AK5: variants seen among roughly 807,000 people sequenced by gnomAD.
The protein encoded by AK5 is adenylate kinase isoenzyme 5.
Under a neutral mutation model 69.5 loss-of-function variants are expected in AK5, and 27 were observed. That is an observed-to-expected ratio of 0.39 (90% confidence interval 0.29 to 0.54). The LOEUF (loss-of-function observed/expected upper bound fraction) is 0.54. AK5 is among the 20% of genes least tolerant of loss of function. The pLI, the probability that AK5 is intolerant of heterozygous loss-of-function variation, is 0.71. For missense variants in AK5, 531 were observed against 700.4 expected (o/e 0.76, Z 2.73); for synonymous variants, 260 against 244.4 (o/e 1.06, Z -0.60).
At chr1:77,413,359 A>G (rs1462937298) in intron 7 of AK5, among the ~76,000 whole-genome samples, 1 of 152,078 alleles carries the variant, frequency 6.6e-6, no homozygotes. Flanking sequence ...CTCAGAGTAA[A>G]CGTGGTGATT....
In AK5 at chr1:77,499,869, C is replaced by CTTTTTTTTTTTTTTTTTTTTTTTT. The variant is rs749712310; in HGVS notation, c.1147+13517_1147+13518insTTTTTTTTTTTTTTTTTTTTTTTT. On this transcript the variant is annotated intron_variant, in intron 10 of 13. Transcript: ENST00000354567. ...GATGACAGAGACCATGCCCTTTTTC[C>CTTTTTTTTTTTTTTTTTTTTTTTT]ATTTTTTTTTTTTTTTTTTTTTTTT... Among the ~76,000 whole-genome samples the CTTTTTTTTTTTTTTTTTTTTTTTT allele has an allele frequency of 6.3e-5, 5 of 78,768 alleles. 2 individuals are homozygous for CTTTTTTTTTTTTTTTTTTTTTTTT. The highest frequency in any genetic ancestry group is 9.1e-5 in the African/African-American group (2 of 22,060). The allele number at this position is 78,768 out of a possible 152,430, so 51.7% of individuals were successfully genotyped here.
At chr1:77,360,424 G>A (rs1375055004) in intron 6 of AK5, among the ~76,000 whole-genome samples, 3 of 152,148 alleles carry the variant, frequency 2.0e-5, no homozygotes, top group African/African-American at 7.2e-5. Flanking sequence ...AAGTTTGTGA[G>A]TTTTATCATC....
At position 77,293,773 on chromosome 1, in the gene AK5, G is replaced by A; in HGVS notation, c.248-20G>A. On this transcript the variant is annotated intron_variant, in intron 2 of 13. Transcript: ENST00000354567. ...ATTATGGTGTTTTTTCCTTTTCAAA[G>A]TTATCTTACTCTTTTGCAGTAATGC... 1 of 1,568,076 alleles carries A rather than the reference G, an allele frequency of 6.4e-7. No individual in the cohort carries two copies.
At chr1:77,294,103 A>G in intron 3 of AK5, 143 bp downstream of exon 3, 1 of 682,754 alleles carries the variant, frequency 1.5e-6, no homozygotes, top group Non-Finnish European at 2.4e-6. Flanking sequence ...AATAAATGGA[A>G]ATATTCTTAG....
At chr1:77,468,316 G>A (rs1488063349) in intron 8 of AK5, among the ~76,000 whole-genome samples, 1 of 152,306 alleles carries the variant, frequency 6.6e-6, no homozygotes, top group African/African-American at 2.4e-5. Flanking sequence ...GTACTTTTGT[G>A]CAGATTAGAA....
intron 1 of AK5, among the ~76,000 whole-genome samples, 164 bp from the exon 2 acceptor site, chr1:77,286,777 G>T (rs1484108343): frequency 6.6e-6 from 1 of 152,104 alleles, no homozygotes; most frequent in Non-Finnish European, 1.5e-5. Flanking sequence ...AACCAAGGAG[G>T]TAGAAGTTGC....
intron 7 of AK5, among the ~76,000 whole-genome samples, chr1:77,414,740 A>G (rs1650279570): frequency 6.6e-6 from 1 of 152,184 alleles, no homozygotes; most frequent in Admixed American, 6.5e-5. Flanking sequence ...ACTTTTTCGT[A>G]ACATCCTAAT....
At chr1:77,439,531 C>T (rs1339063928) in intron 8 of AK5, among the ~76,000 whole-genome samples, 2 of 151,906 alleles carry the variant, frequency 1.3e-5, no homozygotes, top group East Asian at 3.9e-4. Flanking sequence ...ACCCATTAAC[C>T]AACCTCTCTT....
chr1:77,419,314 A>G (rs1361942509), intron 8 of AK5, among the ~76,000 whole-genome samples: 1 of 152,216 alleles, frequency 6.6e-6, no homozygotes, highest in Non-Finnish European at 1.5e-5. Flanking sequence ...ACCACTTACA[A>G]TCTAAAATTA....
chr1:77,419,330 T>C (rs1650649097), intron 8 of AK5, among the ~76,000 whole-genome samples: 2 of 151,952 alleles, frequency 1.3e-5, no homozygotes, highest in South Asian at 4.2e-4. Flanking sequence ...AATTACAGAC[T>C]GCACAAAGAA....
At chr1:77,352,879 C>G (rs1399117431) in intron 6 of AK5, among the ~76,000 whole-genome samples, 1 of 152,106 alleles carries the variant, frequency 6.6e-6, no homozygotes, top group Non-Finnish European at 1.5e-5. Flanking sequence ...ATAGGTTAGT[C>G]TTAAGTTTCA....
chr1:77,504,944 G>T (rs1656942011), intron 10 of AK5, among the ~76,000 whole-genome samples: 1 of 151,818 alleles, frequency 6.6e-6, no homozygotes. Context: ...TTCAACTTTT[G>T]CTTTTATTAA....
chr1:77,434,716 G>A (rs1223193611), intron 8 of AK5, among the ~76,000 whole-genome samples: 1 of 152,078 alleles, frequency 6.6e-6, no homozygotes, highest in East Asian at 1.9e-4. Context: ...TTACCAAAAG[G>A]GGGAAAGAAA....
intron 6 of AK5, among the ~76,000 whole-genome samples, chr1:77,343,348 T>C (rs1035037897): frequency 6.6e-6 from 1 of 152,182 alleles, no homozygotes; most frequent in African/African-American, 2.4e-5. Flanking sequence ...CGCTTTGGTG[T>C]CTGAATCCTG....
chr1:77,416,755 C>A (rs1408595759), intron 7 of AK5, among the ~76,000 whole-genome samples: 1 of 152,108 alleles, frequency 6.6e-6, no homozygotes. Flanking sequence ...AATTTATATT[C>A]ATTATGCATT....
intron 8 of AK5, among the ~76,000 whole-genome samples, chr1:77,418,544 G>A (rs888830024): frequency 1.3e-5 from 2 of 152,062 alleles, no homozygotes; most frequent in South Asian, 4.2e-4. Context: ...CATTTATCTG[G>A]GTCATTTTCC....
intron 8 of AK5, among the ~76,000 whole-genome samples, chr1:77,481,736 T>C (rs1370574559): frequency 2.6e-5 from 4 of 152,170 alleles, no homozygotes; most frequent in African/African-American, 9.7e-5. Context: ...GGGGAGCAGT[T>C]TGGCAAAATT....
At chr1:77,366,223 C>T (rs1646947622) in intron 6 of AK5, among the ~76,000 whole-genome samples, 1 of 152,278 alleles carries the variant, frequency 6.6e-6, no homozygotes, top group South Asian at 2.1e-4. Context: ...TACTTAGTTT[C>T]TTTAAGCCTC....
intron 8 of AK5, among the ~76,000 whole-genome samples, chr1:77,475,097 T>C (rs906715865): frequency 6.6e-6 from 1 of 150,966 alleles, no homozygotes; most frequent in African/African-American, 2.4e-5. Context: ...GCCACTGTGC[T>C]CAACCTAGTG....
Sources: gnomAD v4.1 joint callset for allele counts (sites outside exome capture counted in the v4.1 genomes callset) on GRCh38, gnomAD v4.1.1 for gene constraint, MANE v1.5 for transcripts, NCBI Gene and HGNC (gene_info 2026-07-23, HGNC 2026-07-21) for gene names.